The following PPIL4 variants were observed in gnomAD, a reference collection of about 807,000 sequenced individuals.
PPIL4 encodes the protein peptidyl-prolyl cis-trans isomerase-like 4.
PPIL4 carries 50 observed loss-of-function variants against 69.1 expected under a neutral mutation model. That is an observed-to-expected ratio of 0.72 (90% CI 0.58 to 0.92). PPIL4 has a LOEUF of 0.92. Among genes scored for constraint, PPIL4 ranks in the 40% least tolerant of loss-of-function variants. The pLI is 0.00. For synonymous variants in PPIL4, 193 were observed against 191.6 expected (o/e 1.01, Z -0.06); for missense variants, 480 against 587.9 (o/e 0.82, Z 1.90).
intron 12 of PPIL4, among the ~76,000 whole-genome samples, chr6:149,506,742 G>T (rs1458979588): frequency 6.6e-6 from 1 of 152,060 alleles, no homozygotes. Flanking sequence ...CCACAGGCAT[G>T]TGCCATCACA....
At chr6:149,525,573 C>A (rs927775859) in intron 8 of PPIL4, among the ~76,000 whole-genome samples, 1 of 152,168 alleles carries the variant, frequency 6.6e-6, no homozygotes, top group Non-Finnish European at 1.5e-5. Flanking sequence ...GAATATCTAA[C>A]ATCTAACATT....
intron 10 of PPIL4, among the ~76,000 whole-genome samples, chr6:149,520,843 T>C (rs972620372): frequency 6.6e-6 from 1 of 151,916 alleles, no homozygotes; most frequent in African/African-American, 2.4e-5. Context: ...TGAAACCCCA[T>C]CTCTACTAAA....
intron 11 of PPIL4, among the ~76,000 whole-genome samples, chr6:149,516,193 T>G (rs566790412): frequency 6.6e-6 from 1 of 152,344 alleles, no homozygotes; most frequent in South Asian, 2.1e-4. Flanking sequence ...AAATATCAAA[T>G]GTATTCCATT....
chr6:149,513,428 T>TATATATACAC (rs1554215983), intron 11 of PPIL4, among the ~76,000 whole-genome samples: 1 of 127,052 alleles, frequency 7.9e-6, no homozygotes, highest in African/African-American at 3.2e-5. Flanking sequence ...TATATATATA[T>TATATATACAC]ATATATATAT....
chr6:149,530,789 G>T (rs536020349), intron 7 of PPIL4, among the ~76,000 whole-genome samples: 1 of 152,152 alleles, frequency 6.6e-6, no homozygotes, highest in African/African-American at 2.4e-5. Context: ...GTCAAAACTG[G>T]TGCAGTCAGG....
chr6:149,541,942 A>G (rs1013869021), intron 1 of PPIL4, among the ~76,000 whole-genome samples: 2 of 152,252 alleles, frequency 1.3e-5, no homozygotes, highest in Non-Finnish European at 2.9e-5. Flanking sequence ...TGAACCCAGG[A>G]GGTGGAGGTT....
rs1343835650 is a variant in PPIL4 at position 149,533,441 on chromosome 6, AAAGAT to A, written c.678+12_678+16del. 2 of 1,322,298 alleles carry A rather than the reference AAAGAT, an allele frequency of 1.5e-6. No individual in the cohort carries two copies. Among genetic ancestry groups the A allele is most frequent in the South Asian group, 1.2e-5 (1 of 84,646 alleles). 81.9% of individuals were successfully genotyped at this position (1,322,298 alleles called of 1,614,324 possible). Reference sequence around the variant, plus strand: ...AGATATATTACAGAACAATTTGAACAAAGATAATTATCTTACCATCTCCAAAAGTA... The same window carrying A: ...AGATATATTACAGAACAATTTGAACAAATTATCTTACCATCTCCAAAAGTA... On this transcript the variant is annotated intron_variant, in intron 7 of 12. Transcript: ENST00000253329.
In PPIL4 at chr6:149,520,968, G is replaced by C. The variant is rs547836760; in HGVS notation, c.982+92C>G. On this transcript the variant is annotated intron_variant, in intron 10 of 12. Transcript: ENST00000253329. Reference sequence around the variant, plus strand: ...ACACAGGTTGCAGTGAACCAAGATCGTGCCACTGCACTCCAGCCTGGGCAA... The same window carrying C: ...ACACAGGTTGCAGTGAACCAAGATCCTGCCACTGCACTCCAGCCTGGGCAA... The C allele has an allele frequency of 2.6e-5, 18 of 681,000 alleles. No individual in the cohort carries two copies. In the African/African-American group the frequency reaches 3.3e-4, roughly 12 times the overall value. The allele number at this position is 681,000 out of a possible 1,614,324, so 42.2% of individuals were successfully genotyped here. A position where few individuals can be genotyped will look rare whatever the true frequency, so the allele number is the denominator to read the frequency against.
In PPIL4 at chr6:149,521,046, A is replaced by G. The variant is rs570690146; in HGVS notation, c.982+14T>C. 33 of 1,364,272 alleles carry G rather than the reference A, an allele frequency of 2.4e-5. No individual in the cohort carries two copies. The East Asian group carries it at 7.3e-4, about 30-fold the overall frequency. The allele number at this position is 1,364,272 out of a possible 1,614,324, so 84.5% of individuals were successfully genotyped here. A position where few individuals can be genotyped will look rare whatever the true frequency, so the allele number is the denominator to read the frequency against. On this transcript the variant is annotated intron_variant, in intron 10 of 12. Transcript: ENST00000253329. ...AAAAAAAGCAGAACAAAAACAAAAGATAAACCATCATACCTTTTCCTTTCC... is the reference window on the plus strand; with the variant it reads ...AAAAAAAGCAGAACAAAAACAAAAGGTAAACCATCATACCTTTTCCTTTCC...
At chr6:149,534,806 C>A (rs1486208476) in intron 5 of PPIL4, 32 bp from the exon 6 acceptor site, 3 of 1,206,166 alleles carry the variant, frequency 2.5e-6, no homozygotes, top group Non-Finnish European at 3.6e-6. Context: ...AAATGTTATA[C>A]ATTGAAGTTA....
chr6:149,518,594 G>A (rs1776981666), intron 10 of PPIL4, among the ~76,000 whole-genome samples: 2 of 152,176 alleles, frequency 1.3e-5, no homozygotes, highest in Admixed American at 1.3e-4. Flanking sequence ...AGAGACTCCA[G>A]AAACAAAAGT....
chr6:149,527,133 C>A (rs1330927711), intron 7 of PPIL4, among the ~76,000 whole-genome samples: 1 of 152,086 alleles, frequency 6.6e-6, no homozygotes, highest in African/African-American at 2.4e-5. Context: ...CCAAGGGGGG[C>A]AGATACTTGA....
chr6:149,528,295 T>C (rs1051606345), intron 7 of PPIL4, among the ~76,000 whole-genome samples: 2 of 152,044 alleles, frequency 1.3e-5, no homozygotes, highest in African/African-American at 4.8e-5. Flanking sequence ...TAGAGCAAAT[T>C]AGTAAAAATC....
At chr6:149,531,947 C>T (rs1447356404) in intron 7 of PPIL4, among the ~76,000 whole-genome samples, 4 of 152,308 alleles carry the variant, frequency 2.6e-5, no homozygotes, top group East Asian at 3.9e-4. Context: ...GGATTACAGG[C>T]GTGAGCCACT....
At chr6:149,529,144 C>T (rs1777151214) in intron 7 of PPIL4, among the ~76,000 whole-genome samples, 1 of 151,352 alleles carries the variant, frequency 6.6e-6, no homozygotes, top group Non-Finnish European at 1.5e-5. Flanking sequence ...GGCAGGAAGA[C>T]TGCTCAACCT....
At chr6:149,521,630 A>G (rs1483901515) in intron 9 of PPIL4, among the ~76,000 whole-genome samples, 2 of 152,216 alleles carry the variant, frequency 1.3e-5, no homozygotes, top group Non-Finnish European at 2.9e-5. Flanking sequence ...TCCACTTAGT[A>G]TGAATATTCA....
At chr6:149,545,244 T>C (rs1010318934) in intron 1 of PPIL4, among the ~76,000 whole-genome samples, 11 of 152,282 alleles carry the variant, frequency 7.2e-5, no homozygotes, top group African/African-American at 2.4e-4. Context: ...CTAGTTCAAG[T>C]GTTCTATATA....
intron 1 of PPIL4, among the ~76,000 whole-genome samples, chr6:149,542,013 CAAAAT>C (rs529079776): frequency 1.6e-4 from 24 of 150,954 alleles, no homozygotes; most frequent in African/African-American, 3.9e-4. Context: ...GACTCTATCT[CAAAAT>C]AAAATAAAAT....
At chr6:149,541,657 T>C in intron 1 of PPIL4, 71 bp from the exon 2 acceptor site, 1 of 856,588 alleles carries the variant, frequency 1.2e-6, no homozygotes, top group Non-Finnish European at 1.9e-6. Context: ...AAAGCCACAG[T>C]AAAATGTAAT....
Sources: allele counts gnomAD v4.1 joint callset (sites outside exome capture counted in the v4.1 genomes callset), GRCh38; gene constraint gnomAD v4.1.1; transcripts MANE v1.5; gene names NCBI Gene and HGNC (gene_info 2026-07-23, HGNC 2026-07-21).